Variants in MCCC1 observed in about 807,000 individuals in gnomAD.
MCCC1 encodes the protein methylcrotonyl-CoA carboxylase subunit 1.
In MCCC1, 64 loss-of-function variants were observed where a neutral mutation model predicts 83.8. The ratio of observed to expected loss-of-function variants is 0.76; its 90% confidence interval spans 0.62 to 0.94. MCCC1 has a LOEUF of 0.94. MCCC1 is among the 40% of genes least tolerant of loss of function. MCCC1 has a pLI of 0.00. For missense variants in MCCC1, 807 were observed against 904.7 expected (o/e 0.89, Z 1.39); for synonymous variants, 322 against 315.4 (o/e 1.02, Z -0.22).
At chr3:183,079,159 A>G (rs1171563341) in intron 4 of MCCC1, among the ~76,000 whole-genome samples, 1 of 152,198 alleles carries the variant, frequency 6.6e-6, no homozygotes, top group Non-Finnish European at 1.5e-5. Flanking sequence ...TCATGTCCTC[A>G]CATTTTGAAA....
chr3:183,102,603 G>A (rs1235079453), upstream of MCCC1, among the ~76,000 whole-genome samples: 1 of 151,840 alleles, frequency 6.6e-6, no homozygotes, highest in Non-Finnish European at 1.5e-5. Context: ...AGAAGTGATT[G>A]GGACCAGTGA....
At chr3:183,048,734 A>G (rs1714738922) in intron 9 of MCCC1, among the ~76,000 whole-genome samples, 1 of 152,230 alleles carries the variant, frequency 6.6e-6, no homozygotes, top group Non-Finnish European at 1.5e-5. Flanking sequence ...GAATTCAACA[A>G]CACCATCAAT....
intron 4 of MCCC1, among the ~76,000 whole-genome samples, chr3:183,074,530 C>T (rs1421063794): frequency 6.6e-6 from 1 of 152,002 alleles, no homozygotes; most frequent in African/African-American, 2.4e-5. Context: ...AATCCTGTTT[C>T]AAAATAGTTA....
At chr3:183,085,405 A>G (rs1328890727) in intron 4 of MCCC1, among the ~76,000 whole-genome samples, 1 of 152,168 alleles carries the variant, frequency 6.6e-6, no homozygotes, top group East Asian at 1.9e-4. Context: ...TGAGGCAGGC[A>G]GATCGCTTGA....
Position 183,015,705 on chromosome 3 carries a change from C to T in MCCC1, c.2050-139G>A, listed in dbSNP as rs1711556383. On this transcript the variant is annotated intron_variant, in intron 18 of 18. Coordinates refer to ENST00000265594, the MANE Select transcript of MCCC1 (RefSeq NM_020166.5). ...TGTCATCTCTCGGTGCTTTCCAACGCTTTGTTGTTGTTGTTGTTTTTATTT... is the reference window on the plus strand; with the variant it reads ...TGTCATCTCTCGGTGCTTTCCAACGTTTTGTTGTTGTTGTTGTTTTTATTT... The T allele has an allele frequency of 2.9e-6, 3 of 1,025,998 alleles. No individual in the cohort carries two copies. The East Asian group carries it at 7.2e-5, about 24-fold the overall frequency. 63.6% of individuals were successfully genotyped at this position (1,025,998 alleles called of 1,614,324 possible). A position where few individuals can be genotyped will look rare whatever the true frequency, so the allele number is the denominator to read the frequency against.
At position 183,064,803 on chromosome 3, in the gene MCCC1, T is replaced by A. The variant is rs7622140; in HGVS notation, c.761+6196A>T. On this transcript the variant is annotated intron_variant, in intron 7 of 18. Coordinates refer to ENST00000265594, the MANE Select transcript of MCCC1 (RefSeq NM_020166.5). The surrounding 1 kb of genome is among the most constrained non-coding windows in gnomAD (Gnocchi z 4.5). ...GGCAGGAGGCGCCTCAGAGCCATGG[T>A]GGGCAAAAGATCCCTTCTTAACTGA... is the stretch of plus-strand genomic sequence containing the variant. Among the ~76,000 whole-genome samples, 8 of 152,322 alleles carry A rather than the reference T, an allele frequency of 5.3e-5. No homozygotes were observed. In the South Asian group the frequency reaches 1.4e-3, roughly 28 times the overall value.
chr3:183,026,809 G>A (rs544456385), intron 14 of MCCC1, among the ~76,000 whole-genome samples: 47 of 152,160 alleles, frequency 3.1e-4, no homozygotes, highest in Non-Finnish European at 5.7e-4. Flanking sequence ...CTAAATCTCC[G>A]AGCCTTGATT....
intron 13 of MCCC1, among the ~76,000 whole-genome samples, chr3:183,034,936 G>C (rs1713441327): frequency 6.6e-6 from 1 of 152,030 alleles, no homozygotes; most frequent in Non-Finnish European, 1.5e-5. Context: ...TGCCACCACA[G>C]CTGGCTAACT....
At chr3:183,060,363 A>G (rs1161271953) in intron 7 of MCCC1, among the ~76,000 whole-genome samples, 2 of 152,222 alleles carry the variant, frequency 1.3e-5, no homozygotes, top group East Asian at 1.9e-4. Context: ...TACCTTTTAC[A>G]TAACAAAATT....
intron 3 of MCCC1, among the ~76,000 whole-genome samples, chr3:183,092,172 C>T (rs1718406536): frequency 1.3e-5 from 2 of 152,166 alleles, no homozygotes; most frequent in South Asian, 2.1e-4. Flanking sequence ...CCGTTTTAAC[C>T]AATCCTCAAG....
chr3:183,057,192 C>T, intron 8 of MCCC1, 119 bp downstream of exon 8: 1 of 816,954 alleles, frequency 1.2e-6, no homozygotes, highest in Non-Finnish European at 2.1e-6. Context: ...TATTAGGCAA[C>T]AGTTGTCCAG....
chr3:183,045,685 T>C (rs1714502812), intron 9 of MCCC1, 145 bp from the exon 10 acceptor site: 1 of 859,162 alleles, frequency 1.2e-6, no homozygotes, highest in African/African-American at 1.7e-5. Flanking sequence ...ATCTCGCATT[T>C]GCAGCAGCAT....
intron 1 of MCCC1, among the ~76,000 whole-genome samples, chr3:183,104,908 T>C (rs1368483016): frequency 6.6e-6 from 1 of 152,216 alleles, no homozygotes; most frequent in African/African-American, 2.4e-5. Context: ...AAATTGCAAA[T>C]CCACAAACTC....
intron 13 of MCCC1, among the ~76,000 whole-genome samples, chr3:183,036,357 C>A (rs986293936): frequency 2.6e-5 from 4 of 151,920 alleles, no homozygotes; most frequent in African/African-American, 9.7e-5. Flanking sequence ...TCATGGGTAA[C>A]CCTGGGGAAT....
Position 183,071,074 on chromosome 3 carries a change from TCTAA to T in MCCC1, c.682_685del (p.Leu228SerfsTer17), listed in dbSNP as rs1716637067. 3.1e-6 allele frequency: 5 copies of T among 1,614,234 alleles called. No homozygotes were observed. Among genetic ancestry groups the T allele is most frequent in the South Asian group, 1.1e-5 (1 of 91,080 alleles). ...CTTCTTAGCTTCTCTCCGTGCTGACTCTAACTGTTCTTGAAATTCTTGTTCTGAT... is the reference window on the plus strand; with the variant it reads ...CTTCTTAGCTTCTCTCCGTGCTGACTCTGTTCTTGAAATTCTTGTTCTGAT... On this transcript the variant is annotated frameshift_variant, in exon 7 of 19. Transcript: ENST00000265594. LOFTEE classifies it high-confidence loss of function.
At chr3:183,021,684 G>A (rs972828276) in intron 16 of MCCC1, among the ~76,000 whole-genome samples, 4 of 152,068 alleles carry the variant, frequency 2.6e-5, no homozygotes, top group Non-Finnish European at 4.4e-5. Context: ...CCATTATACG[G>A]CCTCTATCAT....
At chr3:183,092,823 C>A (rs995180177) in intron 2 of MCCC1, among the ~76,000 whole-genome samples, 18 of 152,182 alleles carry the variant, frequency 1.2e-4, no homozygotes, top group Admixed American at 1.1e-3. Flanking sequence ...CTTTGTTATG[C>A]CAAGGATCAA....
intron 9 of MCCC1, among the ~76,000 whole-genome samples, chr3:183,048,631 T>C (rs1714730940): frequency 6.6e-6 from 1 of 152,176 alleles, no homozygotes. Flanking sequence ...AGAAATAGAT[T>C]AATTCACTAT....
intron 8 of MCCC1, among the ~76,000 whole-genome samples, chr3:183,054,939 T>A (rs1196540553): frequency 1.3e-5 from 2 of 152,212 alleles, no homozygotes; most frequent in African/African-American, 4.8e-5. Context: ...AGCAATGGGC[T>A]CTACCAGCAG....
Sources: gnomAD v4.1 joint callset for allele counts (sites outside exome capture counted in the v4.1 genomes callset) on GRCh38, gnomAD v4.1.1 for gene constraint, Gnocchi (gnomAD v3.1) non-coding constraint, MANE v1.5 for transcripts, NCBI Gene and HGNC (gene_info 2026-07-23, HGNC 2026-07-21) for gene names.